Variants in C9 observed in about 807,000 individuals in gnomAD.
C9 encodes complement component C9.
Under a neutral mutation model 65.4 loss-of-function variants are expected in C9, and 63 were observed. That is an observed-to-expected ratio of 0.96 (90% CI 0.79 to 1.19). The LOEUF is 1.19. Ranked by LOEUF, C9 falls within the 50% of genes most tolerant of loss-of-function variation. The pLI is 0.00. For missense variants in C9, 744 were observed against 670.1 expected (o/e 1.11, Z -1.22); for synonymous variants, 229 against 227.9 (o/e 1.00, Z -0.04).
At chr5:39,308,699 T>C (rs1753423373) in intron 7 of C9, among the ~76,000 whole-genome samples, 1 of 152,202 alleles carries the variant, frequency 6.6e-6, no homozygotes, top group Non-Finnish European at 1.5e-5. Context: ...TTATCATGTG[T>C]CTGGCATCCT....
intron 1 of C9, among the ~76,000 whole-genome samples, chr5:39,353,812 A>G (rs909420571): frequency 6.6e-6 from 1 of 152,208 alleles, no homozygotes; most frequent in Non-Finnish European, 1.5e-5. Context: ...TGTTTTGTTC[A>G]GCTTGAATAT....
At chr5:39,348,511 T>C (rs1460063966) in intron 1 of C9, among the ~76,000 whole-genome samples, 2 of 152,224 alleles carry the variant, frequency 1.3e-5, no homozygotes, top group Non-Finnish European at 1.5e-5. Context: ...CATTAAAAAG[T>C]CAGGAAACAA....
chr5:39,320,732 T>C (rs994419876), intron 5 of C9, among the ~76,000 whole-genome samples: 1 of 152,120 alleles, frequency 6.6e-6, no homozygotes, highest in Non-Finnish European at 1.5e-5. Context: ...AGACATATTA[T>C]AATCAAACTC....
intron 1 of C9, among the ~76,000 whole-genome samples, chr5:39,354,115 G>A (rs1330520984): frequency 2.0e-5 from 3 of 152,136 alleles, no homozygotes; most frequent in Non-Finnish European, 2.9e-5. Flanking sequence ...GGCTAAAAAT[G>A]TATTACATGG....
intron 9 of C9, among the ~76,000 whole-genome samples, chr5:39,295,326 T>C (rs1753165168): frequency 6.6e-6 from 1 of 151,670 alleles, no homozygotes; most frequent in Non-Finnish European, 1.5e-5. Flanking sequence ...TTTACCAAAA[T>C]ACACTTAGAA....
chr5:39,334,304 A>C (rs868445399), intron 4 of C9, among the ~76,000 whole-genome samples: 2,726 of 133,010 alleles, frequency 0.02, 87 homozygotes, highest in African/African-American at 0.075. Flanking sequence ...CCCGGCCGCA[A>C]CCCCGTCTGG....
rs193138325 is a variant in C9 at position 39,339,362 on chromosome 5, G to A, written c.476+1784C>T. Among the ~76,000 whole-genome samples the A allele has an allele frequency of 1.6e-3, 247 of 152,234 alleles. 6 individuals are homozygous for A. The highest frequency in any genetic ancestry group is 0.011 in the Admixed American group (163 of 15,292). On this transcript the variant is annotated intron_variant, in intron 4 of 10. Transcript: ENST00000263408. ...ATGCTTTATCTGGTGCCTGACTCTT[G>A]GTATCCTGGGATATTTTTCTTACCT...
chr5:39,321,140 C>T (rs1753659844), intron 5 of C9, among the ~76,000 whole-genome samples: 1 of 151,998 alleles, frequency 6.6e-6, no homozygotes, highest in Non-Finnish European at 1.5e-5. Context: ...AATACTCTCA[C>T]ACCATATTGA....
intron 6 of C9, among the ~76,000 whole-genome samples, chr5:39,315,369 T>A (rs1753551623): frequency 6.6e-6 from 1 of 152,224 alleles, no homozygotes; most frequent in African/African-American, 2.4e-5. Flanking sequence ...GTGTATAATT[T>A]CATAGCATCA....
At chr5:39,301,326 CAG>C (rs1753276943) in intron 9 of C9, among the ~76,000 whole-genome samples, 1 of 151,592 alleles carries the variant, frequency 6.6e-6, no homozygotes, top group African/African-American at 2.4e-5. Context: ...AGACCTATAA[CAG>C]ATTGGGAGAC....
intron 5 of C9, 152 bp downstream of exon 5, chr5:39,331,524 A>C (rs1753838986): frequency 1.4e-6 from 1 of 720,926 alleles, no homozygotes; most frequent in Admixed American, 2.1e-5. Flanking sequence ...TATGTTTCTA[A>C]AGAGATCCAA....
At chr5:39,307,642 A>T (rs1753405139) in intron 8 of C9, among the ~76,000 whole-genome samples, 1 of 152,168 alleles carries the variant, frequency 6.6e-6, no homozygotes, top group Non-Finnish European at 1.5e-5. Flanking sequence ...TTTGTATTTT[A>T]AAAATGTTCT....
At position 39,334,506 on chromosome 5, in the gene C9, G is replaced by C. The variant is rs374085461; in HGVS notation, c.477-2692C>G. Reference sequence around the variant, plus strand: ...AGCGTCTCTGCCAGGCAGCCACCCCGTCCGGGAGGGAGGTGGGGGTCAGCC... The same window carrying C: ...AGCGTCTCTGCCAGGCAGCCACCCCCTCCGGGAGGGAGGTGGGGGTCAGCC... On this transcript the variant is annotated intron_variant, in intron 4 of 10. Transcript: ENST00000263408. Among the ~76,000 whole-genome samples the C allele has an allele frequency of 5.7e-4, 75 of 131,512 alleles. No homozygotes were observed. In the East Asian group the frequency reaches 0.014, roughly 25 times the overall value. The allele number at this position is 131,512 out of a possible 152,430, so 86.3% of individuals were successfully genotyped here.
At chr5:39,320,049 T>G (rs538020081) in intron 5 of C9, among the ~76,000 whole-genome samples, 1 of 152,316 alleles carries the variant, frequency 6.6e-6, no homozygotes, top group South Asian at 2.1e-4. Context: ...CTTTAAGGAA[T>G]GGAATAAGTG....
In C9 at chr5:39,364,369, A is replaced by C; in HGVS notation, c.77+19T>G. Reference sequence around the variant, plus strand: ...CTACAGGAAACTTCCAGAGACAAGCAGAAAAGTAACTGACTCACCTGGTCG... The same window carrying C: ...CTACAGGAAACTTCCAGAGACAAGCCGAAAAGTAACTGACTCACCTGGTCG... On this transcript the variant is annotated intron_variant, in intron 1 of 10. Coordinates refer to ENST00000263408, the MANE Select transcript of C9 (RefSeq NM_001737.5). 2.7e-6 allele frequency: 4 copies of C among 1,458,046 alleles called. No individual in the cohort carries two copies. Among genetic ancestry groups the C allele is most frequent in the Non-Finnish European group, 3.9e-6 (4 of 1,037,294 alleles). 90.3% of individuals were successfully genotyped at this position (1,458,046 alleles called of 1,614,324 possible). A position where few individuals can be genotyped will look rare whatever the true frequency, so the allele number is the denominator to read the frequency against.
chr5:39,338,685 G>T (rs3776530), intron 4 of C9, among the ~76,000 whole-genome samples: 41,207 of 152,034 alleles, frequency 0.27, 6,872 homozygotes, highest in Non-Finnish European at 0.38. Flanking sequence ...TTCCATTTCT[G>T]CAGCTGACCT....
In C9 at chr5:39,306,749, G is replaced by T. The variant is rs146228410; in HGVS notation, c.1284C>A (p.Leu428=). ...SENLIDDVVS[L]IRGGTRKYAF... Reference sequence around the variant, plus strand: ...CATATTTTCTGGTTCCACCTCTTATGAGTGAAACAACATCATCTATGAGGT... The same window carrying T: ...CATATTTTCTGGTTCCACCTCTTATTAGTGAAACAACATCATCTATGAGGT... Residue 428 remains leucine, a synonymous_variant, in exon 9 of 11, where the codon CTC becomes CTA. Transcript: ENST00000263408. 41 of 1,611,924 alleles carry T rather than the reference G, an allele frequency of 2.5e-5. No individual in the cohort carries two copies. The African/African-American group carries it at 5.1e-4, about 20-fold the overall frequency.
chr5:39,354,626 A>G (rs1333877688), intron 1 of C9, among the ~76,000 whole-genome samples: 1 of 152,166 alleles, frequency 6.6e-6, no homozygotes, highest in Non-Finnish European at 1.5e-5. Context: ...AGTACCTACT[A>G]TGTTCCAGGT....
chr5:39,308,351 T>C lies in C9; in HGVS notation c.1119A>G (p.Glu373=), dbSNP rs1490143067. The C allele has an allele frequency of 6.3e-7, 1 of 1,588,172 alleles. No individual in the cohort carries two copies. The highest frequency in any genetic ancestry group is 2.2e-5 in the East Asian group (1 of 44,712). ...DKASMKRKGV[E]LKDIKRCLGY... is the part of the protein sequence containing the mutation. ...CAAGGCATCTCTTTATGTCTTTTAG[T>C]TCAACACCTGTTTAATGAATTTATT... Residue 373 remains glutamate, a synonymous_variant, in exon 8 of 11, where the codon GAA becomes GAG. Coordinates refer to ENST00000263408, the MANE Select transcript of C9 (RefSeq NM_001737.5).
Sources: gnomAD v4.1 joint callset for allele counts (sites outside exome capture counted in the v4.1 genomes callset) on GRCh38, gnomAD v4.1.1 for gene constraint, MANE v1.5 for transcripts, NCBI Gene and HGNC (gene_info 2026-07-23, HGNC 2026-07-21) for gene names.